The following EPC2 variants were observed in gnomAD, a reference collection of about 807,000 sequenced individuals.
EPC2 encodes the protein enhancer of polycomb homolog 2.
EPC2 carries 14 observed loss-of-function variants against 92.1 expected under a neutral mutation model. The observed-to-expected ratio is 0.15, with a 90% CI of 0.10 to 0.24. The LOEUF (loss-of-function observed/expected upper bound fraction) is 0.24, where lower values mean the gene tolerates loss of function less well. Ranked by LOEUF, EPC2 falls within the 10% of genes least tolerant of loss-of-function variation. EPC2 has a pLI of 1.00. For synonymous variants in EPC2, 340 were observed against 334.7 expected, an observed-to-expected ratio of 1.02 and a Z score of -0.17; for missense variants, 755 against 971.5, an observed-to-expected ratio of 0.78 and a Z score of 2.96.
At chr2:148,742,269 T>G (rs1012734189) in intron 2 of EPC2, among the ~76,000 whole-genome samples, 3 of 152,236 alleles carry the variant, frequency 2.0e-5, no homozygotes, top group Non-Finnish European at 2.9e-5. Context: ...GATACATTTT[T>G]AATGAAACTA....
intron 1 of EPC2, among the ~76,000 whole-genome samples, chr2:148,686,458 C>T (rs1364297688): frequency 6.6e-6 from 1 of 152,182 alleles, no homozygotes; most frequent in Non-Finnish European, 1.5e-5. Context: ...TTTCAAACTC[C>T]TGTTAATGTG....
intron 6 of EPC2, among the ~76,000 whole-genome samples, chr2:148,764,450 A>G (rs924106802): frequency 6.6e-6 from 1 of 152,222 alleles, no homozygotes; most frequent in Non-Finnish European, 1.5e-5. Context: ...CAGTTGCTGC[A>G]GTAATTATAC....
At chr2:148,784,422 T>G (rs1683819945) in intron 12 of EPC2, among the ~76,000 whole-genome samples, 1 of 152,184 alleles carries the variant, frequency 6.6e-6, no homozygotes, top group African/African-American at 2.4e-5. Context: ...AGTTGCCAGA[T>G]ACAGGCAGCA....
intron 1 of EPC2, among the ~76,000 whole-genome samples, chr2:148,683,487 CGATCTCCT>C (rs1335719919): frequency 6.6e-6 from 1 of 152,044 alleles, no homozygotes; most frequent in African/African-American, 2.4e-5. Flanking sequence ...AGGATTGTCT[CGATCTCCT>C]GATCTCGTGA....
chr2:148,726,765 G>GTT lies in EPC2; in HGVS notation c.314-16844_314-16843dup, dbSNP rs201293391. Among the ~76,000 whole-genome samples, 925 of 100,494 alleles carry GTT rather than the reference G, an allele frequency of 9.2e-3. 12 individuals carry two copies. The highest frequency in any genetic ancestry group is 0.013 in the Middle Eastern group (2 of 156). The allele number at this position is 100,494 out of a possible 152,430, so 65.9% of individuals were successfully genotyped here. On this transcript the variant is annotated intron_variant, in intron 2 of 13. Coordinates refer to ENST00000258484, the MANE Select transcript of EPC2 (RefSeq NM_015630.4). ...GGGTTTTTTTTTTGTTTTGTTTTTT[G>GTT]TTTTTTTTTTTTTTGCGTTTTTTTG...
rs958575779 is a variant in EPC2 at position 148,712,937 on chromosome 2, C to T, written c.313+22564C>T. Reference sequence around the variant, plus strand: ...AGCCAGGTGCCATGGTGGCTCACACCGGTAATCACTTTGGGAGGCGTGAGG... The same window carrying T: ...AGCCAGGTGCCATGGTGGCTCACACTGGTAATCACTTTGGGAGGCGTGAGG... On this transcript the variant is annotated intron_variant, in intron 2 of 13. Coordinates refer to ENST00000258484, the MANE Select transcript of EPC2 (RefSeq NM_015630.4). Among the ~76,000 whole-genome samples the T allele has an allele frequency of 3.9e-4, 59 of 150,396 alleles. 1 individual carries two copies. The highest frequency in any genetic ancestry group is 1.1e-3 in the African/African-American group (45 of 40,828).
At chr2:148,741,185 G>A (rs541475983) in intron 2 of EPC2, among the ~76,000 whole-genome samples, 42 of 152,092 alleles carry the variant, frequency 2.8e-4, no homozygotes, top group African/African-American at 9.9e-4. Context: ...AGATTATATC[G>A]CATACTTAAA....
At position 148,655,008 on chromosome 2, in the gene EPC2, G is replaced by C. The variant is rs1314266985; in HGVS notation, c.153+9838G>C. On this transcript the variant is annotated intron_variant, in intron 1 of 13. Coordinates refer to ENST00000258484, the MANE Select transcript of EPC2 (RefSeq NM_015630.4). ...AATAGAGACATTCCAGTATACCATTGAATTCTTGGATGAACACTTTTGTTT... is the reference window on the plus strand; with the variant it reads ...AATAGAGACATTCCAGTATACCATTCAATTCTTGGATGAACACTTTTGTTT... Among the ~76,000 whole-genome samples, 3 of 152,196 alleles carry C rather than the reference G, an allele frequency of 2.0e-5. No individual in the cohort carries two copies. In the East Asian group the frequency reaches 5.8e-4, roughly 29 times the overall value.
At chr2:148,679,194 TTATTTACCCA>T (rs1274038563) in intron 1 of EPC2, among the ~76,000 whole-genome samples, 1 of 152,234 alleles carries the variant, frequency 6.6e-6, no homozygotes, top group Non-Finnish European at 1.5e-5. Flanking sequence ...CAGTTTCTTC[TTATTTACCCA>T]TATCTGTAGA....
intron 12 of EPC2, 74 bp from the exon 13 acceptor site, chr2:148,784,594 T>C (rs1279456925): frequency 8.8e-7 from 1 of 1,136,600 alleles, no homozygotes; most frequent in Non-Finnish European, 1.3e-6. Flanking sequence ...TGTTCGTATT[T>C]ATTTTATTAA....
chr2:148,751,375 C>T lies in EPC2; in HGVS notation c.460-2552C>T, dbSNP rs563193251. 1.0e-3 allele frequency among the ~76,000 whole-genome samples: 156 copies of T among 152,016 alleles called. 1 individual carries two copies. The highest frequency in any genetic ancestry group is 3.6e-3 in the African/African-American group (149 of 41,482). ...ATATGGTAGGATAATTTTTTTTTAT[C>T]TCCCCATCCCTGTAAGTAAATAATG... On this transcript the variant is annotated intron_variant, in intron 3 of 13. Coordinates refer to ENST00000258484, the MANE Select transcript of EPC2 (RefSeq NM_015630.4).
chr2:148,659,474 C>T (rs1188359399), intron 1 of EPC2, among the ~76,000 whole-genome samples: 1 of 152,026 alleles, frequency 6.6e-6, no homozygotes, highest in Non-Finnish European at 1.5e-5. Flanking sequence ...TGAATTTATA[C>T]TGATGTGAAA....
At chr2:148,735,775 T>C (rs1456905391) in intron 2 of EPC2, among the ~76,000 whole-genome samples, 2 of 152,020 alleles carry the variant, frequency 1.3e-5, no homozygotes, top group Non-Finnish European at 2.9e-5. Flanking sequence ...AAGAAAAACA[T>C]CGTTTTCTTA....
In EPC2 at chr2:148,783,498, G is replaced by A; in HGVS notation, c.1858-99G>A. The A allele has an allele frequency of 4.4e-6, 5 of 1,134,770 alleles. No homozygotes were observed. The South Asian group carries it at 8.0e-5, about 18-fold the overall frequency. The allele number at this position is 1,134,770 out of a possible 1,614,324, so 70.3% of individuals were successfully genotyped here. A position where few individuals can be genotyped will look rare whatever the true frequency, so the allele number is the denominator to read the frequency against. ...AATCTAAACACTTGTAATTGTTCAA[G>A]GTTAGAAAGGCAACAGCCTCTTGGG... On this transcript the variant is annotated intron_variant, in intron 11 of 13. Coordinates refer to ENST00000258484, the MANE Select transcript of EPC2 (RefSeq NM_015630.4).
chr2:148,770,279 A>G (rs531117639), intron 8 of EPC2, among the ~76,000 whole-genome samples: 1 of 152,192 alleles, frequency 6.6e-6, no homozygotes, highest in Non-Finnish European at 1.5e-5. Context: ...GTCTCTAGTG[A>G]TCCTCCTGTC....
intron 2 of EPC2, among the ~76,000 whole-genome samples, chr2:148,728,690 A>G (rs1166302211): frequency 7.2e-6 from 1 of 139,610 alleles, no homozygotes; most frequent in African/African-American, 2.5e-5. Context: ...TGATCGTGCT[A>G]CTGCACTGCA....
chr2:148,760,369 C>T (rs900529010), intron 4 of EPC2, among the ~76,000 whole-genome samples: 10 of 152,072 alleles, frequency 6.6e-5, no homozygotes, highest in African/African-American at 2.4e-4. Flanking sequence ...GGTTCTGGTG[C>T]ACTTTTGAAT....
At chr2:148,748,118 G>A (rs1245215039) in intron 3 of EPC2, among the ~76,000 whole-genome samples, 3 of 151,982 alleles carry the variant, frequency 2.0e-5, no homozygotes, top group Non-Finnish European at 4.4e-5. Flanking sequence ...TTACAAGATC[G>A]ATTCACAAGA....
intron 4 of EPC2, among the ~76,000 whole-genome samples, chr2:148,754,616 A>G (rs1683146930): frequency 6.6e-6 from 1 of 152,142 alleles, no homozygotes; most frequent in African/African-American, 2.4e-5. Flanking sequence ...TTCCAAGTGA[A>G]AATGGACCTT....
Sources: gnomAD v4.1 joint callset for allele counts (sites outside exome capture counted in the v4.1 genomes callset) on GRCh38, gnomAD v4.1.1 for gene constraint, MANE v1.5 for transcripts, NCBI Gene and HGNC (gene_info 2026-07-23, HGNC 2026-07-21) for gene names.